Variants in DCAF8L2 observed in about 807,000 individuals in gnomAD.
The protein encoded by DCAF8L2 is DDB1- and CUL4-associated factor 8-like protein 2.
For missense variants in DCAF8L2, 430 were observed against 490.7 expected, an observed-to-expected ratio of 0.88 and a Z score of 1.17; for synonymous variants, 200 against 190.9, an observed-to-expected ratio of 1.05 and a Z score of -0.39.
the DCAF8L2 span, among the ~76,000 whole-genome samples, chrX:27,561,160 G>A: frequency 1.8e-5 from 2 of 112,199 alleles, no homozygotes; most frequent in African/African-American, 3.2e-5. Flanking sequence ...GGCTGGCCCT[G>A]AATCTTTGTA....
the DCAF8L2 span, among the ~76,000 whole-genome samples, chrX:27,481,141 G>T: frequency 1.8e-5 from 2 of 110,889 alleles, no homozygotes; most frequent in African/African-American, 6.6e-5. Flanking sequence ...ACTTTAGGAG[G>T]CCAAGGCGGG....
chrX:27,541,026 G>T, the DCAF8L2 span, among the ~76,000 whole-genome samples: 1 of 111,952 alleles, frequency 8.9e-6, no homozygotes, highest in Non-Finnish European at 1.9e-5. Flanking sequence ...CCAAAATATT[G>T]TAGGGGCCAA....
intron 3 of DCAF8L2, among the ~76,000 whole-genome samples, chrX:27,696,269 A>AGAAG (rs1172798317): frequency 1.0e-4 from 1 of 9,876 alleles, no homozygotes; most frequent in Non-Finnish European, 1.8e-4. Context: ...AGAGAGAGAG[A>AGAAG]GAAAGAAAGA....
chrX:27,627,723 GTC>G (rs776724771), intron 1 of DCAF8L2, among the ~76,000 whole-genome samples: 5 of 107,677 alleles, frequency 4.6e-5, no homozygotes, highest in African/African-American at 1.7e-4. Context: ...GTGAAACCCT[GTC>G]TCTACCAAAA....
chrX:27,663,620 T>C lies in DCAF8L2; in HGVS notation c.-219-14216T>C, dbSNP rs150640269. 1.2e-4 allele frequency among the ~76,000 whole-genome samples: 13 copies of C among 110,607 alleles called. No homozygotes were observed. In the Admixed American group the frequency reaches 1.3e-3, roughly 11 times the overall value. On this transcript the variant is annotated intron_variant, in intron 2 of 4. Transcript: ENST00000451261. ...ACCCTATAGCTATCCACTGATAGCT[T>C]TTCCCCCTATCTCCCTCTCTCCTTG... is the stretch of plus-strand genomic sequence containing the variant.
At chrX:27,724,182 A>C (rs2147303135) in intron 4 of DCAF8L2, among the ~76,000 whole-genome samples, 1 of 110,896 alleles carries the variant, frequency 9.0e-6, no homozygotes, top group Non-Finnish European at 1.9e-5. Flanking sequence ...TCTACTCAAA[A>C]AATTAACTCT....
chrX:27,732,225 C>T (rs888816564), intron 4 of DCAF8L2, among the ~76,000 whole-genome samples: 12 of 111,343 alleles, frequency 1.1e-4, no homozygotes, highest in Non-Finnish European at 2.3e-4. Context: ...TACATAAGAT[C>T]TCTGGAATTC....
the DCAF8L2 span, among the ~76,000 whole-genome samples, chrX:27,581,621 T>C: frequency 1.5e-3 from 161 of 108,448 alleles, 1 homozygote; most frequent in Non-Finnish European, 2.8e-3. Flanking sequence ...AGGGTCTTTG[T>C]CGCCCAGGCT....
chrX:27,696,615 A>G (rs1227120818), intron 3 of DCAF8L2, among the ~76,000 whole-genome samples: 2 of 112,315 alleles, frequency 1.8e-5, no homozygotes, highest in Non-Finnish European at 3.8e-5. Context: ...AGCAGGAGGA[A>G]TAATTTAAGG....
chrX:27,620,762 T>C lies in DCAF8L2; in HGVS notation c.-341-11117T>C, dbSNP rs551479395. Among the ~76,000 whole-genome samples, 3 of 111,761 alleles carry C rather than the reference T, an allele frequency of 2.7e-5. No homozygotes were observed. In the South Asian group the frequency reaches 1.1e-3, roughly 42 times the overall value. On this transcript the variant is annotated intron_variant, in intron 1 of 4. Transcript: ENST00000451261. ...GTATAATTGCTGTGGAAAACTGGTG[T>C]TCCTTCAAAAGTCAAAAATAAAATT...
chrX:27,478,855 AT>A, the DCAF8L2 span, among the ~76,000 whole-genome samples: 1 of 111,955 alleles, frequency 8.9e-6, no homozygotes, highest in Non-Finnish European at 1.9e-5. Context: ...TCAAGAAGTT[AT>A]TTCCTTTTGC....
chrX:27,596,096 C>T (rs1926346625), intron 1 of DCAF8L2, among the ~76,000 whole-genome samples: 1 of 112,052 alleles, frequency 8.9e-6, no homozygotes, highest in African/African-American at 3.2e-5. Flanking sequence ...TGAATGAAGA[C>T]ATAATATTGT....
the DCAF8L2 span, among the ~76,000 whole-genome samples, chrX:27,472,453 G>A: frequency 9.0e-6 from 1 of 111,470 alleles, no homozygotes; most frequent in Non-Finnish European, 1.9e-5. Context: ...ATAGGTAAAC[G>A]TGTGCCATGG....
At chrX:27,528,044 A>G in the DCAF8L2 span, among the ~76,000 whole-genome samples, 1 of 90,181 alleles carries the variant, frequency 1.1e-5, no homozygotes, top group Non-Finnish European at 2.1e-5. Flanking sequence ...TTTTTAATTT[A>G]ATTAATTATT....
intron 3 of DCAF8L2, among the ~76,000 whole-genome samples, chrX:27,714,029 G>A (rs191913889): frequency 9.0e-6 from 1 of 111,318 alleles, no homozygotes; most frequent in Admixed American, 9.6e-5. Flanking sequence ...GTAGATGGTG[G>A]TGTAGAAGCA....
chrX:27,524,309 A>G, the DCAF8L2 span, among the ~76,000 whole-genome samples: 1 of 111,661 alleles, frequency 9.0e-6, no homozygotes, highest in Non-Finnish European at 1.9e-5. Context: ...TTTCTAGTTT[A>G]TTTGCATAGA....
intron 2 of DCAF8L2, among the ~76,000 whole-genome samples, chrX:27,646,244 T>A (rs1928931249): frequency 9.0e-6 from 1 of 110,631 alleles, no homozygotes; most frequent in South Asian, 3.8e-4. Flanking sequence ...GAATAGAGAA[T>A]CCAGAAATAA....
At chrX:27,560,661 C>T in the DCAF8L2 span, among the ~76,000 whole-genome samples, 2 of 112,381 alleles carry the variant, frequency 1.8e-5, no homozygotes, top group East Asian at 2.8e-4. Flanking sequence ...TGTTCACAGG[C>T]TCTAATTCAC....
At chrX:27,478,757 G>A in the DCAF8L2 span, among the ~76,000 whole-genome samples, 1 of 112,122 alleles carries the variant, frequency 8.9e-6, no homozygotes, top group Non-Finnish European at 1.9e-5. Context: ...TTCTGATGAA[G>A]AGGAAATTCA....
Sources: gnomAD v4.1 joint callset for allele counts (sites outside exome capture counted in the v4.1 genomes callset) on GRCh38, gnomAD v4.1.1 for gene constraint, MANE v1.5 for transcripts, NCBI Gene and HGNC (gene_info 2026-07-23, HGNC 2026-07-21) for gene names.